Variants in RNFT2 observed in about 807,000 individuals in gnomAD.
The protein encoded by RNFT2 is E3 ubiquitin-protein ligase RNFT2.
RNFT2 carries 36 observed loss-of-function variants against 53.0 expected under a neutral mutation model. The observed-to-expected ratio is 0.68, with a 90% CI of 0.52 to 0.90. The LOEUF is 0.90. Among genes scored for constraint, RNFT2 ranks in the 40% least tolerant of loss-of-function variants. The probability of loss-of-function intolerance (pLI) is 0.00; values close to 1 mark genes in which losing one functional copy is unlikely to be tolerated. For missense variants in RNFT2, 514 were observed against 585.6 expected (o/e 0.88, Z 1.26); for synonymous variants, 260 against 253.2 (o/e 1.03, Z -0.26).
chr12:116,775,303 T>A (rs1370576676), intron 6 of RNFT2, among the ~76,000 whole-genome samples: 4 of 84,514 alleles, frequency 4.7e-5, no homozygotes, highest in Non-Finnish European at 4.6e-5. Context: ...GCAACATAGC[T>A]GAGTCCTTGT....
intron 3 of RNFT2, among the ~76,000 whole-genome samples, chr12:116,743,236 A>AAAAAAAAAAAAAAAAAAAAAAAAATT (rs1871718506): frequency 8.8e-6 from 1 of 113,668 alleles, no homozygotes; most frequent in Non-Finnish European, 1.9e-5. Context: ...AAAAAAAAAA[A>AAAAAAAAAAAAAAAAAAAAAAAAATT]AAAAAAAACC....
In RNFT2 at chr12:116,806,381, A is replaced by G. The variant is rs9737621; in HGVS notation, c.882+27033A>G. On this transcript the variant is annotated intron_variant, in intron 7 of 10. Transcript: ENST00000257575. Reference sequence around the variant, plus strand: ...TGAGACTGTCTCAAAAAAAAAAAAAAATATATATATATATATATAGATAGA... The same window carrying G: ...TGAGACTGTCTCAAAAAAAAAAAAAGATATATATATATATATATAGATAGA... Among the ~76,000 whole-genome samples, 225 of 133,470 alleles carry G rather than the reference A, an allele frequency of 1.7e-3. 1 individual carries two copies. Among genetic ancestry groups the G allele is most frequent in the Non-Finnish European group, 2.3e-3 (151 of 65,550 alleles). The allele number at this position is 133,470 out of a possible 152,430, so 87.6% of individuals were successfully genotyped here.
In RNFT2 at chr12:116,841,974, GA is replaced by G. The variant is rs1565876319; in HGVS notation, c.1200+5693del. 2.0e-3 allele frequency among the ~76,000 whole-genome samples: 265 copies of G among 134,412 alleles called. 13 individuals are homozygous for G. Among genetic ancestry groups the G allele is most frequent in the African/African-American group, 7.1e-3 (253 of 35,568 alleles). 88.2% of individuals were successfully genotyped at this position (134,412 alleles called of 152,430 possible). ...ATATATATATAGAGAGAGAGAGAGA[GA>G]GAGAGAGAGAGGGAGGATCCAGGTA... On this transcript the variant is annotated intron_variant, in intron 10 of 10. Transcript: ENST00000257575.
chr12:116,819,371 C>T (rs958579895), intron 7 of RNFT2, among the ~76,000 whole-genome samples: 1 of 152,152 alleles, frequency 6.6e-6, no homozygotes, highest in Non-Finnish European at 1.5e-5. Context: ...GAGGCCAGAC[C>T]CGGAGCCGGC....
In RNFT2 at chr12:116,750,065, AG is replaced by A; in HGVS notation, c.314del (p.Gly105AlafsTer52). 3 of 1,545,116 alleles carry A rather than the reference AG, an allele frequency of 1.9e-6. No homozygotes were observed. Among genetic ancestry groups the A allele is most frequent in the Admixed American group, 1.9e-5 (1 of 51,494 alleles). On this transcript the variant is annotated frameshift_variant, in exon 4 of 11. Coordinates refer to ENST00000257575, the MANE Select transcript of RNFT2 (RefSeq NM_001382266.1). LOFTEE classifies it high-confidence loss of function. ...AGGGAGGAAGGAGGGGGCCGGGGCG[AG>A]GGGGGCGCCTACCACCACCGCCAGC... Reference protein sequence around the residue: ...ASREEGGGRGEGGAYHHRQPH... With the variant: ...ASREEGGGRGXGGAYHHRQPH...
intron 7 of RNFT2, among the ~76,000 whole-genome samples, chr12:116,807,619 G>C (rs1875144044): frequency 6.6e-6 from 1 of 152,014 alleles, no homozygotes; most frequent in African/African-American, 2.4e-5. Context: ...GCACTCCCCT[G>C]ACCCAGAGAC....
intron 5 of RNFT2, among the ~76,000 whole-genome samples, chr12:116,760,664 A>C (rs1199589575): frequency 6.6e-6 from 1 of 152,048 alleles, no homozygotes; most frequent in African/African-American, 2.4e-5. Context: ...CCACTTCCGC[A>C]GTTGGGGCAT....
intron 5 of RNFT2, among the ~76,000 whole-genome samples, chr12:116,761,071 A>G (rs991810612): frequency 1.1e-4 from 17 of 151,852 alleles, no homozygotes; most frequent in African/African-American, 3.6e-4. Flanking sequence ...CTCCCCTCCA[A>G]CAGCAGCATC....
At chr12:116,766,714 A>C in intron 5 of RNFT2, 100 bp from the exon 6 acceptor site, 1 of 899,890 alleles carries the variant, frequency 1.1e-6, no homozygotes, top group Non-Finnish European at 1.7e-6. Context: ...ACTTCCTTCA[A>C]AATGTTGACA....
In RNFT2 at chr12:116,741,038, G is replaced by A. The variant is rs1365373188; in HGVS notation, c.27G>A (p.Val9=). Residue 9 remains valine (V), a splice_region_variant and synonymous_variant, in exon 3 of 11, where the codon GTG becomes GTA. Transcript: ENST00000257575. MWLFTVNQ[V]LRKMQRRHSS... ...CTCACCCATGTGTTGGGTTTTAGGTGTTAAGGAAGATGCAGAGACGCCACA... is the reference window on the plus strand; with the variant it reads ...CTCACCCATGTGTTGGGTTTTAGGTATTAAGGAAGATGCAGAGACGCCACA... 2 of 1,610,342 alleles carry A rather than the reference G, an allele frequency of 1.2e-6. No homozygotes were observed. Among genetic ancestry groups the A allele is most frequent in the Non-Finnish European group, 8.5e-7 (1 of 1,178,212 alleles).
intron 7 of RNFT2, among the ~76,000 whole-genome samples, chr12:116,818,133 C>T (rs1875785260): frequency 6.6e-6 from 1 of 152,032 alleles, no homozygotes; most frequent in Non-Finnish European, 1.5e-5. Context: ...CTGGGCAACA[C>T]AGGGGAGACC....
At chr12:116,833,335 G>A (rs1876784310) in intron 7 of RNFT2, among the ~76,000 whole-genome samples, 1 of 152,208 alleles carries the variant, frequency 6.6e-6, no homozygotes, top group African/African-American at 2.4e-5. Context: ...GGCCTTACCT[G>A]CATTCTGTGC....
intron 4 of RNFT2, among the ~76,000 whole-genome samples, chr12:116,750,906 ATATTTT>A (rs1872220380): frequency 3.2e-5 from 2 of 62,758 alleles, no homozygotes; most frequent in Non-Finnish European, 5.7e-5. Flanking sequence ...ATATATATAT[ATATTTT>A]TTTTTGAGAC....
intron 7 of RNFT2, among the ~76,000 whole-genome samples, chr12:116,809,766 G>A (rs186527022): frequency 1.6e-4 from 24 of 152,100 alleles, no homozygotes; most frequent in Non-Finnish European, 2.6e-4. Context: ...TCCACCTCCC[G>A]GGTTCAAGCT....
intron 6 of RNFT2, among the ~76,000 whole-genome samples, chr12:116,768,769 C>T (rs774512648): frequency 3.8e-4 from 54 of 141,630 alleles, no homozygotes; most frequent in Non-Finnish European, 6.8e-4. Context: ...TTGCCCTTGT[C>T]GCCCAGGCTG....
rs546221638 is a variant in RNFT2, at chr12:116,765,840, G to A, written c.628-974G>A. On this transcript the variant is annotated intron_variant, in intron 5 of 10. Coordinates refer to ENST00000257575, the MANE Select transcript of RNFT2 (RefSeq NM_001382266.1). ...GCATTCCATGGAATGGTCAGTCCAG[G>A]GCAGCGGGCCAGAGGTCTTCCCTAG... 5.8e-4 allele frequency among the ~76,000 whole-genome samples: 89 copies of A among 152,272 alleles called. 1 individual carries two copies. The South Asian group carries it at 0.018, about 31-fold the overall frequency.
intron 7 of RNFT2, 103 bp from the exon 8 acceptor site, chr12:116,833,689 C>T: frequency 8.4e-7 from 1 of 1,183,868 alleles, no homozygotes; most frequent in East Asian, 2.5e-5. Flanking sequence ...AATGGCCTGC[C>T]TGTGACCTAG....
chr12:116,746,623 G>A (rs916216370), intron 3 of RNFT2, among the ~76,000 whole-genome samples: 2 of 152,176 alleles, frequency 1.3e-5, no homozygotes, highest in African/African-American at 2.4e-5. Context: ...GTGATAGCCT[G>A]TAGTAGAAAG....
At chr12:116,771,740 C>T (rs77528585) in intron 6 of RNFT2, among the ~76,000 whole-genome samples, 4,687 of 152,086 alleles carry the variant, frequency 0.031, 195 homozygotes, top group East Asian at 0.15. Context: ...CAGAGTTCTA[C>T]GCAATGTGGT....
Sources: allele counts gnomAD v4.1 joint callset (sites outside exome capture counted in the v4.1 genomes callset), GRCh38; gene constraint gnomAD v4.1.1; transcripts MANE v1.5; gene names NCBI Gene and HGNC (gene_info 2026-07-23, HGNC 2026-07-21).